The following IGHMBP2 variants were observed in gnomAD, a reference collection of about 807,000 sequenced individuals.
IGHMBP2 encodes DNA-binding protein SMUBP-2.
IGHMBP2 carries 81 observed loss-of-function variants against 96.0 expected under a neutral mutation model. The ratio of observed to expected loss-of-function variants is 0.84; its 90% CI spans 0.71 to 1.01. The LOEUF (loss-of-function observed/expected upper bound fraction) is 1.01, where lower values mean the gene tolerates loss of function less well. Ranked by LOEUF, IGHMBP2 falls within the 50% of genes least tolerant of loss-of-function variation. The probability of loss-of-function intolerance (pLI) is 0.00; values close to 1 mark genes in which losing one functional copy is unlikely to be tolerated. For missense variants in IGHMBP2, 1,227 were observed against 1,306.3 expected (o/e 0.94, Z 0.94); for synonymous variants, 557 against 548.9 (o/e 1.01, Z -0.21).
intron 1 of IGHMBP2, among the ~76,000 whole-genome samples, chr11:68,905,146 G>A (rs1858138238): frequency 6.6e-6 from 1 of 152,238 alleles, no homozygotes; most frequent in East Asian, 1.9e-4. Flanking sequence ...GATGGAGACA[G>A]AGAGGGGTTA....
chr11:68,939,612 G>A lies in IGHMBP2; in HGVS notation c.2863G>A (p.Gly955Arg), dbSNP rs764208218. ...SREGVLYAGSGTKNGSLDPAK... is the reference protein window; with the variant it reads ...SREGVLYAGSRTKNGSLDPAK... ...GGAAGGGGTCCTCTATGCCGGCAGC[G>A]GGACCAAGAACGGATCCCTGGACCC... The change falls in exon 15 of 15, where the codon GGG becomes AGG. Residue 955 changes from glycine to arginine, a missense_variant. Gly to Arg is a moderately radical substitution (Grantham distance 125). Transcript: ENST00000255078. 9.3e-6 allele frequency: 15 copies of A among 1,613,404 alleles called. No individual in the cohort carries two copies. Among genetic ancestry groups the A allele is most frequent in the Admixed American group, 3.3e-5 (2 of 60,006 alleles).
At chr11:68,930,491 G>T in intron 8 of IGHMBP2, 1 of 1,271,976 alleles carries the variant, frequency 7.9e-7, no homozygotes, top group African/African-American at 1.5e-5. Flanking sequence ...GGAGGAAGAT[G>T]TTGGAAATAA....
chr11:68,927,492 G>A (rs1418987924), intron 7 of IGHMBP2, among the ~76,000 whole-genome samples: 6 of 152,218 alleles, frequency 3.9e-5, no homozygotes, highest in Admixed American at 2.6e-4. Flanking sequence ...CTGAGCCACA[G>A]ATGAGAGCTG....
Position 68,934,438 on chromosome 11 carries a change from C to T in IGHMBP2, c.1538-26C>T, listed in dbSNP as rs756445665. The T allele has an allele frequency of 3.2e-6, 5 of 1,554,758 alleles. No individual in the cohort carries two copies. The Admixed American group carries it at 8.9e-5, about 28-fold the overall frequency. The stretch of plus-strand genomic sequence containing the variant: ...GCCCACTTGGGGCGACCTTGTGCTG[C>T]TCACCCGTTCTTTCTTTCCCTCCAG... On this transcript the variant is annotated intron_variant, in intron 10 of 14. Coordinates refer to ENST00000255078, the MANE Select transcript of IGHMBP2 (RefSeq NM_002180.3).
chr11:68,924,044 T>G (rs1858974476), intron 7 of IGHMBP2, among the ~76,000 whole-genome samples: 1 of 152,178 alleles, frequency 6.6e-6, no homozygotes, highest in African/African-American at 2.4e-5. Flanking sequence ...GCTCACCTCC[T>G]TTGTCTCTCG....
intron 7 of IGHMBP2, chr11:68,926,310 C>T (rs1032142483): frequency 5.7e-5 from 8 of 139,426 alleles, no homozygotes; most frequent in Non-Finnish European, 9.1e-5. Context: ...CTCGCTCTAT[C>T]GCCAGACTGG....
intron 5 of IGHMBP2, among the ~76,000 whole-genome samples, 176 bp from the exon 6 acceptor site, chr11:68,914,647 G>T (rs1475318885): frequency 6.6e-6 from 1 of 152,238 alleles, no homozygotes; most frequent in Admixed American, 6.5e-5. Flanking sequence ...TTGCCTTGGG[G>T]TACCGGAAGA....
At chr11:68,908,437 T>C in intron 3 of IGHMBP2, 97 bp from the exon 4 acceptor site, 1 of 1,444,122 alleles carries the variant, frequency 6.9e-7, no homozygotes, top group Non-Finnish European at 9.7e-7. Flanking sequence ...CAAGTCATGG[T>C]GTGGGTGTGG....
At chr11:68,909,336 C>G (rs1419155692) in intron 4 of IGHMBP2, among the ~76,000 whole-genome samples, 1 of 151,580 alleles carries the variant, frequency 6.6e-6, no homozygotes, top group Non-Finnish European at 1.5e-5. Context: ...CACGCCACCA[C>G]GCCTGGCTAA....
intron 7 of IGHMBP2, among the ~76,000 whole-genome samples, chr11:68,927,415 C>T (rs751714469): frequency 9.9e-5 from 15 of 152,226 alleles, no homozygotes; most frequent in Non-Finnish European, 1.9e-4. Context: ...CTTGGGCACA[C>T]CTCCAACACA....
chr11:68,936,108 C>A, intron 12 of IGHMBP2, 129 bp from the exon 13 acceptor site: 1 of 1,049,678 alleles, frequency 9.5e-7, no homozygotes, highest in Non-Finnish European at 1.5e-6. Flanking sequence ...CGTGGCCGGG[C>A]ACCCGTGTGG....
chr11:68,939,444 C>A (rs2154009256), intron 14 of IGHMBP2, 90 bp from the exon 15 acceptor site: 1 of 1,408,326 alleles, frequency 7.1e-7, no homozygotes, highest in East Asian at 2.3e-5. Context: ...GTTGGGGCGC[C>A]TGTGGCCCCC....
chr11:68,939,393 C>T (rs892470730), intron 14 of IGHMBP2, 141 bp from the exon 15 acceptor site: 6 of 860,058 alleles, frequency 7.0e-6, no homozygotes, highest in South Asian at 4.7e-5. Flanking sequence ...AGGCAGCCTG[C>T]AGGGTGAAGG....
chr11:68,928,544 T>C (rs1005445983), intron 7 of IGHMBP2, among the ~76,000 whole-genome samples: 4 of 152,232 alleles, frequency 2.6e-5, no homozygotes, highest in African/African-American at 9.6e-5. Flanking sequence ...CTGGGCACTT[T>C]ATATATGTTA....
At chr11:68,919,292 C>G (rs1409747633) in intron 7 of IGHMBP2, among the ~76,000 whole-genome samples, 4 of 150,334 alleles carry the variant, frequency 2.7e-5, no homozygotes, top group Non-Finnish European at 3.0e-5. Context: ...CCATCCCCAT[C>G]CCCGTCGCCT....
intron 4 of IGHMBP2, among the ~76,000 whole-genome samples, chr11:68,910,201 G>A (rs2154006861): frequency 6.6e-6 from 1 of 152,304 alleles, no homozygotes; most frequent in African/African-American, 2.4e-5. Flanking sequence ...CTCAAGATGT[G>A]TTGTTTTTAA....
intron 5 of IGHMBP2, among the ~76,000 whole-genome samples, chr11:68,912,056 C>T (rs767169560): frequency 3.3e-5 from 5 of 152,234 alleles, no homozygotes; most frequent in Admixed American, 1.3e-4. Flanking sequence ...GTCCAGTGCA[C>T]AGATGAATGA....
chr11:68,930,371 T>C, intron 8 of IGHMBP2: 1 of 1,289,794 alleles, frequency 7.8e-7, no homozygotes, highest in Non-Finnish European at 1.0e-6. Context: ...CGGAAGAAGA[T>C]GTGCAAGAAA....
chr11:68,911,645 C>T (rs765298309), intron 5 of IGHMBP2, 42 bp downstream of exon 5: 2 of 1,602,580 alleles, frequency 1.2e-6, no homozygotes, highest in Non-Finnish European at 1.7e-6. Context: ...CCCGTCCGCT[C>T]CTGGTCTGTT....
Sources: gnomAD v4.1 joint callset for allele counts (sites outside exome capture counted in the v4.1 genomes callset) on GRCh38, gnomAD v4.1.1 for gene constraint, MANE v1.5 for transcripts, NCBI Gene and HGNC (gene_info 2026-07-23, HGNC 2026-07-21) for gene names.